SCN1A: variants seen among roughly 807,000 people sequenced by gnomAD.
The protein encoded by SCN1A is sodium channel protein type 1 subunit alpha.
A neutral mutation model predicts 193.7 loss-of-function variants in SCN1A; 13 were observed. The observed-to-expected ratio is 0.07, with a 90% CI of 0.04 to 0.11. SCN1A has a LOEUF of 0.11. SCN1A is among the 10% of genes least tolerant of loss of function. SCN1A has a pLI of 1.00. For missense variants in SCN1A, 1,432 were observed against 2,451.1 expected, an observed-to-expected ratio of 0.58 and a Z score of 8.78; for synonymous variants, 781 against 843.6, an observed-to-expected ratio of 0.93 and a Z score of 1.29.
chr2:166,080,610 A>T (rs16851478), intron 2 of SCN1A, among the ~76,000 whole-genome samples: 28,945 of 149,780 alleles, frequency 0.19, 3,142 homozygotes, highest in East Asian at 0.37. Context: ...ATTCAATTAG[A>T]TAAGCAATCC....
At chr2:166,116,094 A>G in intron 2 of SCN1A, among the ~76,000 whole-genome samples, 1 of 152,242 alleles carries the variant, frequency 6.6e-6, no homozygotes, top group African/African-American at 2.4e-5. Context: ...ATAAACCTGG[A>G]CAGCTCATGA....
At chr2:166,005,172 G>C (rs1355865859) in intron 23 of SCN1A, among the ~76,000 whole-genome samples, 2 of 151,350 alleles carry the variant, frequency 1.3e-5, no homozygotes, top group Non-Finnish European at 3.0e-5. Flanking sequence ...ACATATGTTC[G>C]TGAATCTTCC....
At chr2:166,050,071 T>A (rs901697543) in intron 9 of SCN1A, among the ~76,000 whole-genome samples, 6 of 151,996 alleles carry the variant, frequency 3.9e-5, no homozygotes, top group Non-Finnish European at 8.8e-5. Context: ...TCTGACTTCC[T>A]TGAACCTAGA....
At chr2:165,993,656 A>G (rs566461438) in intron 28 of SCN1A, 1 of 162,058 alleles carries the variant, frequency 6.2e-6, no homozygotes, top group Admixed American at 5.9e-5. Flanking sequence ...CAGAGAACCT[A>G]CTATATGCAT....
rs1219686569 is a variant in SCN1A, at chr2:166,003,078, A to C, written c.4003-325T>G. On this transcript the variant is annotated intron_variant, in intron 23 of 28. Coordinates refer to ENST00000674923, the MANE Select transcript of SCN1A (RefSeq NM_001165963.4). ...CAGATGAAGTCAGAATTGTGTTATCAGAATAAAGAAAAGTTAAAAAGCCTA... is the reference window on the plus strand; with the variant it reads ...CAGATGAAGTCAGAATTGTGTTATCCGAATAAAGAAAAGTTAAAAAGCCTA... 6.1e-5 allele frequency among the ~76,000 whole-genome samples: 8 copies of C among 130,990 alleles called. No homozygotes were observed. The Admixed American group carries it at 6.3e-4, about 10-fold the overall frequency. 85.9% of individuals were successfully genotyped at this position (130,990 alleles called of 152,430 possible). A position where few individuals can be genotyped will look rare whatever the true frequency, so the allele number is the denominator to read the frequency against.
At chr2:166,023,892 C>T (rs1227061924) in intron 19 of SCN1A, among the ~76,000 whole-genome samples, 1 of 152,002 alleles carries the variant, frequency 6.6e-6, no homozygotes, top group Non-Finnish European at 1.5e-5. Context: ...TCCCCTGCCT[C>T]AGCCTCCCAA....
rs770242686 is a variant in SCN1A at position 166,056,516 on chromosome 2, G to A, written c.384-16C>T. ...GCTGAATAATGTAGGTTATTGTTAA[G>A]GAACACACAAAAGAAAATCAAAATC... On this transcript the variant is annotated splice_polypyrimidine_tract_variant and intron_variant, in intron 5 of 28. Transcript: ENST00000674923. 11 of 1,521,338 alleles carry A rather than the reference G, an allele frequency of 7.2e-6. No individual in the cohort carries two copies. In the East Asian group the frequency reaches 2.5e-4, roughly 34 times the overall value. The allele number at this position is 1,521,338 out of a possible 1,614,324, so 94.2% of individuals were successfully genotyped here. A position where few individuals can be genotyped will look rare whatever the true frequency, so the allele number is the denominator to read the frequency against.
At chr2:166,042,454 A>G in intron 14 of SCN1A, 30 bp from the exon 15 acceptor site, 1 of 1,609,836 alleles carries the variant, frequency 6.2e-7, no homozygotes, top group Non-Finnish European at 8.5e-7. Context: ...TGCATTAAAC[A>G]ATTAATTTGA....
chr2:166,119,275 CAT>C (rs1558886909), intron 2 of SCN1A, among the ~76,000 whole-genome samples: 1 of 152,174 alleles, frequency 6.6e-6, no homozygotes, highest in Non-Finnish European at 1.5e-5. Context: ...ATCCTCAACA[CAT>C]ATAATTTCAC....
intron 1 of SCN1A, among the ~76,000 whole-genome samples, chr2:166,134,554 A>C (rs1398712829): frequency 6.6e-6 from 1 of 152,188 alleles, no homozygotes; most frequent in Non-Finnish European, 1.5e-5. Flanking sequence ...GCGGTTCTTA[A>C]ATATTAACCA....
At chr2:166,001,304 A>T (rs912900569) in intron 24 of SCN1A, among the ~76,000 whole-genome samples, 1 of 151,708 alleles carries the variant, frequency 6.6e-6, no homozygotes, top group Non-Finnish European at 1.5e-5. Context: ...TACCAGATTT[A>T]AAAAATCTCT....
At position 166,012,155 on chromosome 2, in the gene SCN1A, G is replaced by A; in HGVS notation, c.3833C>T (p.Thr1278Ile). 1.2e-6 allele frequency: 2 copies of A among 1,610,366 alleles called. No homozygotes were observed. Among genetic ancestry groups the A allele is most frequent in the South Asian group, 1.1e-5 (1 of 91,020 alleles). ...LLKWVAYGYQ[T>I]YFTNAWCWLD... ...CCAACACCAGGCATTGGTGAAATAT[G>A]TTTGATAGCCATATGCCACCCATTT... Residue 1278 changes from threonine to isoleucine, a missense_variant, in exon 22 of 29, where the codon ACA becomes ATA. Thr to Ile is a moderately conservative substitution (Grantham distance 89). This residue lies in a region of SCN1A where 107 missense variants were observed against 259.4 expected (regional missense o/e 0.41). Transcript: ENST00000674923.
intron 1 of SCN1A, among the ~76,000 whole-genome samples, chr2:166,138,132 G>T (rs775137981): frequency 3.3e-5 from 5 of 152,146 alleles, no homozygotes; most frequent in Admixed American, 1.3e-4. Flanking sequence ...TGCTATTAAA[G>T]GCATTCAATT....
chr2:166,017,951 T>C (rs1046477837), intron 19 of SCN1A, among the ~76,000 whole-genome samples: 1 of 151,982 alleles, frequency 6.6e-6, no homozygotes, highest in African/African-American at 2.4e-5. Context: ...TTGTCAGTAA[T>C]AAGCAGAACA....
At chr2:166,116,594 TCCC>T in intron 2 of SCN1A, among the ~76,000 whole-genome samples, 1 of 2,528 alleles carries the variant, frequency 4.0e-4, no homozygotes, top group Non-Finnish European at 2.2e-3. Flanking sequence ...AGATTCAGTG[TCCC>T]AGAATCTGAT....
chr2:166,122,949 A>G (rs4667874), intron 2 of SCN1A, among the ~76,000 whole-genome samples: 3,634 of 152,270 alleles, frequency 0.024, 325 homozygotes, highest in Admixed American at 0.16. Context: ...TGATAAGGCA[A>G]AGACTTTTGA....
At chr2:166,045,779 A>G (rs1697759594) in intron 12 of SCN1A, among the ~76,000 whole-genome samples, 1 of 152,192 alleles carries the variant, frequency 6.6e-6, no homozygotes, top group South Asian at 2.1e-4. Flanking sequence ...TTGAAATTGG[A>G]TTGTCCAATA....
intron 7 of SCN1A, among the ~76,000 whole-genome samples, chr2:166,053,682 A>G (rs1698838619): frequency 6.6e-6 from 1 of 151,946 alleles, no homozygotes. Context: ...CAGATAGGAA[A>G]TTAAGACCAG....
intron 2 of SCN1A, among the ~76,000 whole-genome samples, chr2:166,093,906 G>A (rs1005261327): frequency 6.6e-6 from 1 of 152,280 alleles, no homozygotes; most frequent in Middle Eastern, 3.4e-3. Flanking sequence ...CAATGCTCTT[G>A]TTTTAAAACC....
Sources: allele counts gnomAD v4.1 joint callset (sites outside exome capture counted in the v4.1 genomes callset), GRCh38; gene constraint gnomAD v4.1.1; regional missense constraint gnomAD v4.1.1; transcripts MANE v1.5; gene names NCBI Gene and HGNC (gene_info 2026-07-23, HGNC 2026-07-21).